HDX: variants seen among roughly 807,000 people sequenced by gnomAD.
HDX encodes chromosome X open reading frame 43.
A neutral mutation model predicts 45.2 loss-of-function variants in HDX; 19 were observed. The observed-to-expected ratio is 0.42, with a 90% CI of 0.29 to 0.62. The LOEUF (loss-of-function observed/expected upper bound fraction) is 0.62, where lower values mean the gene tolerates loss of function less well. Ranked by LOEUF, HDX falls within the 20% of genes least tolerant of loss-of-function variation. The pLI is 0.20. For missense variants in HDX, 532 were observed against 493.9 expected, an observed-to-expected ratio of 1.08 and a Z score of -0.73; for synonymous variants, 188 against 172.8, an observed-to-expected ratio of 1.09 and a Z score of -0.69.
chrX:84,422,386 G>A (rs6623028), intron 5 of HDX, among the ~76,000 whole-genome samples: 7,838 of 110,261 alleles, frequency 0.071, 436 homozygotes, highest in East Asian at 0.42. Flanking sequence ...GTATTAAGAG[G>A]GAATTTTATA....
At chrX:84,382,790 A>G (rs930532005) in intron 5 of HDX, among the ~76,000 whole-genome samples, 10 of 111,309 alleles carry the variant, frequency 9.0e-5, no homozygotes, top group Non-Finnish European at 1.7e-4. Flanking sequence ...TTGATAGCAC[A>G]ACAGGATGAC....
chrX:84,430,546 T>C (rs1016755317), intron 5 of HDX, among the ~76,000 whole-genome samples: 1 of 111,012 alleles, frequency 9.0e-6, no homozygotes, highest in East Asian at 2.8e-4. Context: ...AGTAGTGGAA[T>C]CGCTGGATCA....
intron 6 of HDX, among the ~76,000 whole-genome samples, chrX:84,352,514 G>A (rs998491415): frequency 9.1e-6 from 1 of 110,421 alleles, no homozygotes; most frequent in Non-Finnish European, 1.9e-5. Flanking sequence ...TATATATTAG[G>A]TGTATATATT....
intron 7 of HDX, among the ~76,000 whole-genome samples, chrX:84,339,819 T>C (rs2037047740): frequency 9.0e-6 from 1 of 111,611 alleles, no homozygotes; most frequent in African/African-American, 3.3e-5. Flanking sequence ...TGATGTAAAA[T>C]TTAATGACAT....
At chrX:84,455,321 T>C (rs1171437886) in intron 4 of HDX, among the ~76,000 whole-genome samples, 1 of 111,635 alleles carries the variant, frequency 9.0e-6, no homozygotes, top group Non-Finnish European at 1.9e-5. Context: ...AAATTCAAGA[T>C]AACACACAGA....
At chrX:84,387,583 G>C (rs1008869779) in intron 5 of HDX, among the ~76,000 whole-genome samples, 1 of 111,631 alleles carries the variant, frequency 9.0e-6, no homozygotes, top group Non-Finnish European at 1.9e-5. Flanking sequence ...GCCCATCATT[G>C]TCTTTCTTAA....
chrX:84,406,094 G>T (rs897291894), intron 5 of HDX, among the ~76,000 whole-genome samples: 1 of 110,382 alleles, frequency 9.1e-6, no homozygotes, highest in Non-Finnish European at 1.9e-5. Flanking sequence ...CCTTTTAAAC[G>T]TACTGTCCAA....
intron 5 of HDX, among the ~76,000 whole-genome samples, chrX:84,415,749 TAC>T (rs764801222): frequency 8.0e-5 from 9 of 112,594 alleles, no homozygotes; most frequent in Non-Finnish European, 1.7e-4. Flanking sequence ...CACTTACTGA[TAC>T]AGACTGTCCA....
Position 84,339,569 on chromosome X carries a change from T to C in HDX, c.1661-2689A>G, listed in dbSNP as rs769777557. 9.6e-4 allele frequency among the ~76,000 whole-genome samples: 108 copies of C among 111,920 alleles called. 4 individuals carry two copies. The highest frequency in any genetic ancestry group is 2.1e-4 in the Non-Finnish European group (11 of 52,964). Reference sequence around the variant, plus strand: ...AGTGATACAGTTGAATAAGGAATGTTTTCTTTCGCTTACAGAAGCTTCAAT... The same window carrying C: ...AGTGATACAGTTGAATAAGGAATGTCTTCTTTCGCTTACAGAAGCTTCAAT... On this transcript the variant is annotated intron_variant, in intron 7 of 10. Transcript: ENST00000373177.
chrX:84,459,454 G>A (rs1265575648), intron 4 of HDX, among the ~76,000 whole-genome samples: 2 of 106,909 alleles, frequency 1.9e-5, no homozygotes, highest in Non-Finnish European at 1.9e-5. Context: ...AAAAAAAAAA[G>A]AAAAAAAGAA....
rs1275173066 is a variant in HDX, at chrX:84,476,150, A to C, written c.1-753T>G. On this transcript the variant is annotated intron_variant, in intron 2 of 10. Coordinates refer to ENST00000373177, the MANE Select transcript of HDX (RefSeq NM_001177479.2). The stretch of plus-strand genomic sequence containing the variant: ...TTTATCTTTTCTGCCAGTAGACAAA[A>C]TGTTTAATATTAAGGGTATACAACT... 4.5e-5 allele frequency among the ~76,000 whole-genome samples: 5 copies of C among 111,589 alleles called. No homozygotes were observed. In the East Asian group the frequency reaches 1.4e-3, roughly 31 times the overall value.
At chrX:84,385,435 A>C (rs1392411894) in intron 5 of HDX, among the ~76,000 whole-genome samples, 1 of 107,110 alleles carries the variant, frequency 9.3e-6, no homozygotes, top group Non-Finnish European at 1.9e-5. Flanking sequence ...GGATGGTCTC[A>C]ATCTCCTGAC....
chrX:84,492,661 A>G (rs1486170381), intron 1 of HDX, among the ~76,000 whole-genome samples: 2 of 111,812 alleles, frequency 1.8e-5, no homozygotes, highest in Non-Finnish European at 3.8e-5. Flanking sequence ...AGTACTGCGA[A>G]TAACTCTTTT....
At chrX:84,499,553 A>C (rs1321734156) in intron 1 of HDX, among the ~76,000 whole-genome samples, 1 of 111,842 alleles carries the variant, frequency 8.9e-6, no homozygotes, top group Non-Finnish European at 1.9e-5. Flanking sequence ...ATCAGAGAAA[A>C]GGTCAAAGGA....
intron 1 of HDX, among the ~76,000 whole-genome samples, chrX:84,499,588 C>A (rs149686750): frequency 2.5e-3 from 276 of 111,861 alleles, no homozygotes; most frequent in Non-Finnish European, 3.9e-3. Context: ...GAATAACATT[C>A]ATGGTTCACT....
intron 4 of HDX, among the ~76,000 whole-genome samples, chrX:84,453,817 T>A (rs2040056483): frequency 9.0e-6 from 1 of 111,626 alleles, no homozygotes; most frequent in African/African-American, 3.3e-5. Flanking sequence ...AGCGACACCT[T>A]CCCTTCACTT....
chrX:84,373,055 G>A (rs1256601310), intron 5 of HDX, among the ~76,000 whole-genome samples: 2 of 111,337 alleles, frequency 1.8e-5, no homozygotes, highest in Non-Finnish European at 3.8e-5. Flanking sequence ...TTAATAACTT[G>A]TGGGTTAATT....
intron 5 of HDX, among the ~76,000 whole-genome samples, chrX:84,380,433 G>A (rs1308818821): frequency 9.1e-6 from 1 of 109,957 alleles, no homozygotes; most frequent in African/African-American, 3.3e-5. Context: ...AAAGAAAACT[G>A]TAAGTCAATA....
intron 9 of HDX, among the ~76,000 whole-genome samples, chrX:84,331,515 T>C (rs887775041): frequency 4.5e-5 from 5 of 111,722 alleles, no homozygotes; most frequent in African/African-American, 1.6e-4. Context: ...AGTTGAACAA[T>C]TATATGACAG....
Sources: allele counts gnomAD v4.1 joint callset (sites outside exome capture counted in the v4.1 genomes callset), GRCh38; gene constraint gnomAD v4.1.1; transcripts MANE v1.5; gene names NCBI Gene and HGNC (gene_info 2026-07-23, HGNC 2026-07-21).